Variants in ADAM19 observed in about 807,000 individuals in gnomAD.
The protein encoded by ADAM19 is disintegrin and metalloproteinase domain-containing protein 19.
Under a neutral mutation model 114.7 loss-of-function variants are expected in ADAM19, and 65 were observed. That is an observed-to-expected ratio of 0.57 (90% CI 0.46 to 0.70). The LOEUF is 0.70. Ranked by LOEUF, ADAM19 falls within the 30% of genes least tolerant of loss-of-function variation. ADAM19 has a pLI of 0.00. For synonymous variants in ADAM19, 466 were observed against 460.5 expected (o/e 1.01, Z -0.15); for missense variants, 1,063 against 1,204.7 (o/e 0.88, Z 1.74).
chr5:157,513,436 T>C lies in ADAM19; in HGVS notation c.736A>G (p.Lys246Glu), dbSNP rs1755984848. The change falls in exon 8 of 23, where the codon AAG (lysine) becomes GAG (glutamate). Residue 246 changes from lysine (K) to glutamate (E), a missense_variant and splice_region_variant. Lys to Glu is a moderately conservative substitution (Grantham distance 56). This residue lies in a region of ADAM19 where 615 missense variants were observed against 706.3 expected (regional missense o/e 0.87). Transcript: ENST00000257527. ...ACAAAGTACACACCTGGTCTCACCT[T>C]ATCAACATAGTTGGCGATCTCTATG... The part of the protein sequence containing the change: ...KLIEIANYVD[K>E]FYRSLNIRIA... 6.2e-7 allele frequency: 1 copy of C among 1,613,836 alleles called. No individual in the cohort carries two copies. Among genetic ancestry groups the C allele is most frequent in the Non-Finnish European group, 8.5e-7 (1 of 1,179,800 alleles).
At chr5:157,518,670 C>T (rs931421131) in intron 7 of ADAM19, among the ~76,000 whole-genome samples, 153 bp downstream of exon 7, 6 of 152,370 alleles carry the variant, frequency 3.9e-5, no homozygotes, top group African/African-American at 1.4e-4. Flanking sequence ...AGGCGTGAGC[C>T]GCCGCGCCCA....
rs989303053 is a variant in ADAM19 at position 157,478,472 on chromosome 5, C to T, written c.*2477G>A. On this transcript the variant is annotated 3_prime_UTR_variant, in exon 23 of 23. Transcript: ENST00000257527. The stretch of plus-strand genomic sequence containing the variant: ...CACTATTCCCATAAGGCCCCTTCCT[C>T]TCCCTTTTGCAATATTCCCTTTCCC... 2.7e-6 allele frequency: 2 copies of T among 733,860 alleles called. No individual in the cohort carries two copies. Among genetic ancestry groups the T allele is most frequent in the African/African-American group, 3.8e-5 (2 of 52,122 alleles). 45.5% of individuals were successfully genotyped at this position (733,860 alleles called of 1,614,324 possible). A position where few individuals can be genotyped will look rare whatever the true frequency, so the allele number is the denominator to read the frequency against.
At position 157,478,892 on chromosome 5, in the gene ADAM19, C is replaced by G. The variant is rs1754670231; in HGVS notation, c.*2057G>C. ...TGGCTGTGGCGCTGTCATTTCAGAG[C>G]TATCTACCTCCTGATGTGAGGGAGA... On this transcript the variant is annotated 3_prime_UTR_variant, in exon 23 of 23. Transcript: ENST00000257527. 6 of 985,748 alleles carry G rather than the reference C, an allele frequency of 6.1e-6. No homozygotes were observed. The highest frequency in any genetic ancestry group is 7.2e-6 in the Non-Finnish European group (6 of 829,934). The allele number at this position is 985,748 out of a possible 1,614,324, so 61.1% of individuals were successfully genotyped here. A position where few individuals can be genotyped will look rare whatever the true frequency, so the allele number is the denominator to read the frequency against.
In ADAM19 at chr5:157,546,949, A is replaced by G. The variant is rs7725400; in HGVS notation, c.252-8958T>C. Among the ~76,000 whole-genome samples, 876 of 152,336 alleles carry G rather than the reference A, an allele frequency of 5.8e-3. 6 individuals are homozygous for G. The highest frequency in any genetic ancestry group is 0.016 in the African/African-American group (668 of 41,582). ...TTCAGAATCCCTAGAGAGGTCCCCA[A>G]TGAAGCCTCAGCTGCTGGAATGGGC... On this transcript the variant is annotated intron_variant, in intron 3 of 22. Transcript: ENST00000257527.
chr5:157,564,495 CCTGGGTCGGG>C, intron 2 of ADAM19, 52 bp from the exon 3 acceptor site: 1 of 1,542,124 alleles, frequency 6.5e-7, no homozygotes, highest in Non-Finnish European at 9.0e-7. Context: ...CACCAGGCTC[CCTGGGTCGGG>C]CACAGGATCT....
intron 10 of ADAM19, among the ~76,000 whole-genome samples, chr5:157,506,756 C>A (rs571587485): frequency 4.3e-4 from 65 of 152,286 alleles, no homozygotes; most frequent in African/African-American, 1.5e-3. Context: ...TTAACCTCTA[C>A]TCTCTTACTA....
At chr5:157,575,452 G>C (rs1757945669) in intron 1 of ADAM19, 151 bp downstream of exon 1, 1 of 532,394 alleles carries the variant, frequency 1.9e-6, no homozygotes, top group African/African-American at 2.0e-5. Context: ...TGGGAACAAA[G>C]CCCGGGCTCC....
intron 3 of ADAM19, among the ~76,000 whole-genome samples, chr5:157,563,271 G>A (rs1434212625): frequency 6.6e-6 from 1 of 152,138 alleles, no homozygotes; most frequent in Non-Finnish European, 1.5e-5. Context: ...GGCTTCCCGA[G>A]GCCACCATGT....
intron 16 of ADAM19, 53 bp from the exon 17 acceptor site, chr5:157,491,965 G>A (rs1008257440): frequency 3.8e-6 from 6 of 1,587,066 alleles, no homozygotes; most frequent in Non-Finnish European, 5.2e-6. Flanking sequence ...TGCTGGTTGG[G>A]AGTTAGGAGG....
chr5:157,539,428 G>T (rs1293942690), intron 3 of ADAM19, among the ~76,000 whole-genome samples: 2 of 152,102 alleles, frequency 1.3e-5, no homozygotes, highest in African/African-American at 4.8e-5. Flanking sequence ...AGCAAGAGAG[G>T]GTCATCGCAG....
chr5:157,496,597 G>A (rs11466780), intron 14 of ADAM19, among the ~76,000 whole-genome samples: 7 of 152,004 alleles, frequency 4.6e-5, no homozygotes, highest in East Asian at 3.8e-4. Flanking sequence ...GAGATTAAAC[G>A]TCTTTTCATA....
At chr5:157,490,157 T>C (rs1463124038) in intron 19 of ADAM19, among the ~76,000 whole-genome samples, 153 bp downstream of exon 19, 1 of 152,196 alleles carries the variant, frequency 6.6e-6, no homozygotes, top group Admixed American at 6.5e-5. Context: ...GTAATGCCTG[T>C]CACAGTCATA....
In ADAM19 at chr5:157,479,430, T is replaced by TGAGAGTCAGGCCAGCTCCTGTCCG; in HGVS notation, c.*1495_*1518dup. The TGAGAGTCAGGCCAGCTCCTGTCCG allele has an allele frequency of 1.0e-6, 1 of 985,680 alleles. No homozygotes were observed. Among genetic ancestry groups the TGAGAGTCAGGCCAGCTCCTGTCCG allele is most frequent in the Non-Finnish European group, 1.2e-6 (1 of 830,008 alleles). 61.1% of individuals were successfully genotyped at this position (985,680 alleles called of 1,614,324 possible). On this transcript the variant is annotated 3_prime_UTR_variant, in exon 23 of 23. Coordinates refer to ENST00000257527, the MANE Select transcript of ADAM19 (RefSeq NM_033274.5). ...AGGCCCCAGGAAAGCCTCAGAGGAGTGAGAGTCAGGCCAGCTCCTGTCCGG... is the reference window on the plus strand; with the variant it reads ...AGGCCCCAGGAAAGCCTCAGAGGAGTGAGAGTCAGGCCAGCTCCTGTCCGGAGAGTCAGGCCAGCTCCTGTCCGG...
chr5:157,523,492 G>C (rs1756364668), intron 5 of ADAM19, among the ~76,000 whole-genome samples: 1 of 152,076 alleles, frequency 6.6e-6, no homozygotes, highest in Non-Finnish European at 1.5e-5. Context: ...ATTCCCATGA[G>C]AGTTTCCTCA....
intron 4 of ADAM19, among the ~76,000 whole-genome samples, chr5:157,531,366 T>A (rs901217635): frequency 6.6e-6 from 1 of 152,116 alleles, no homozygotes; most frequent in Admixed American, 6.5e-5. Flanking sequence ...TGTAGTTAAA[T>A]TAAGGTGATG....
rs1754764614 is a variant in ADAM19, at chr5:157,481,901, T to G, written c.2593A>C (p.Asn865His). The G allele has an allele frequency of 6.9e-6, 11 of 1,605,340 alleles. No homozygotes were observed. Among genetic ancestry groups the G allele is most frequent in the Non-Finnish European group, 9.4e-6 (11 of 1,175,902 alleles). ...PRPPQKALPANPVPGRRSLPR... is the reference protein window; with the variant it reads ...PRPPQKALPAHPVPGRRSLPR... ...AGGCTCCTGCGGCCTGGCACTGGGT[T>G]TGCCGGGAGTGCCTTCTGGGGCGGC... The change falls in exon 22 of 23, where the codon AAC (asparagine) becomes CAC (histidine). Residue 865 changes from asparagine to histidine, a missense_variant. Physicochemically the swap from Asn to His is moderately conservative, Grantham distance 68. Coordinates refer to ENST00000257527, the MANE Select transcript of ADAM19 (RefSeq NM_033274.5).
At chr5:157,521,560 C>T (rs904835737) in intron 5 of ADAM19, among the ~76,000 whole-genome samples, 17 of 152,194 alleles carry the variant, frequency 1.1e-4, no homozygotes, top group African/African-American at 3.9e-4. Flanking sequence ...CTCTGATGGG[C>T]AGCAGCCTTT....
intron 3 of ADAM19, among the ~76,000 whole-genome samples, chr5:157,559,453 C>A (rs1315045112): frequency 6.6e-6 from 1 of 152,196 alleles, no homozygotes; most frequent in Non-Finnish European, 1.5e-5. Context: ...ATAGAGTGAT[C>A]CTGCTCACTA....
rs773166996 is a variant in ADAM19 at position 157,564,450 on chromosome 5, G to C, written c.181-7C>G. 3.1e-6 allele frequency: 5 copies of C among 1,614,110 alleles called. No individual in the cohort carries two copies. Among genetic ancestry groups the C allele is most frequent in the Non-Finnish European group, 4.2e-6 (5 of 1,179,960 alleles). ...GCTCAGCTTTGAGTGGATGCTAAAA[G>C]CAACAACAAAACAATGTCAGTTCCT... On this transcript the variant is annotated splice_region_variant and splice_polypyrimidine_tract_variant and intron_variant, in intron 2 of 22. Transcript: ENST00000257527.
Sources: allele counts gnomAD v4.1 joint callset (sites outside exome capture counted in the v4.1 genomes callset), GRCh38; gene constraint gnomAD v4.1.1; regional missense constraint gnomAD v4.1.1; transcripts MANE v1.5; gene names NCBI Gene and HGNC (gene_info 2026-07-23, HGNC 2026-07-21).